The following ANGPTL2 variants were observed in gnomAD, a reference collection of about 807,000 sequenced individuals.
ANGPTL2 encodes the protein angiopoietin-related protein 2.
Under a neutral mutation model 52.8 loss-of-function variants are expected in ANGPTL2, and 25 were observed. That is an observed-to-expected ratio of 0.47 (90% CI 0.35 to 0.66). The LOEUF is 0.66. ANGPTL2 is among the 30% of genes least tolerant of loss of function. ANGPTL2 has a pLI of 0.01. For missense variants in ANGPTL2, 546 were observed against 656.9 expected, an observed-to-expected ratio of 0.83 and a Z score of 1.84; for synonymous variants, 276 against 277.4, an observed-to-expected ratio of 1.00 and a Z score of 0.05.
chr9:127,105,540 C>G (rs1007618046), intron 2 of ANGPTL2, among the ~76,000 whole-genome samples: 1 of 152,206 alleles, frequency 6.6e-6, no homozygotes, highest in Non-Finnish European at 1.5e-5. Flanking sequence ...AGAAGTGCCA[C>G]GTCTATCTAA....
At chr9:127,107,803 C>G in intron 2 of ANGPTL2, 112 bp downstream of exon 2, 1 of 1,158,686 alleles carries the variant, frequency 8.6e-7, no homozygotes, top group Middle Eastern at 3.0e-4. Context: ...TTGTGCATGT[C>G]TTTGGCCTGG....
At chr9:127,112,206 G>C (rs1360837249) in intron 1 of ANGPTL2, among the ~76,000 whole-genome samples, 3 of 152,238 alleles carry the variant, frequency 2.0e-5, no homozygotes, top group African/African-American at 7.2e-5. Flanking sequence ...TTTGGGCTCT[G>C]CTAGGAGGTG....
intron 2 of ANGPTL2, among the ~76,000 whole-genome samples, chr9:127,101,779 G>C (rs2053754862): frequency 6.6e-6 from 1 of 152,148 alleles, no homozygotes; most frequent in Non-Finnish European, 1.5e-5. Context: ...TACCATCTAA[G>C]ATACTTAATT....
Position 127,107,912 on chromosome 9 carries a change from T to TA in ANGPTL2, c.817+2dup. The TA allele has an allele frequency of 6.5e-7, 1 of 1,527,326 alleles. No homozygotes were observed. The highest frequency in any genetic ancestry group is 8.8e-7 in the Non-Finnish European group (1 of 1,134,044). The allele number at this position is 1,527,326 out of a possible 1,614,324, so 94.6% of individuals were successfully genotyped here. ...CATGTAACACGATCCCAGAAGCACT[T>TA]ACCCGACGGCTTGTCGGTGGAAGAT... is the stretch of plus-strand genomic sequence containing the variant. On this transcript the variant is annotated splice_region_variant and intron_variant, in intron 2 of 4. Transcript: ENST00000373425.
chr9:127,089,102 T>C lies in ANGPTL2; in HGVS notation c.1319A>G (p.Tyr440Cys), dbSNP rs2136326574. 1 of 1,614,222 alleles carries C rather than the reference T, an allele frequency of 6.2e-7. No individual in the cohort carries two copies. The highest frequency in any genetic ancestry group is 2.2e-5 in the East Asian group (1 of 44,886). The change falls in exon 5 of 5, where the codon TAT (tyrosine) becomes TGT (cysteine). Residue 440 changes from tyrosine (Y) to cysteine (C), a missense_variant. By Grantham distance (194) the Tyr-to-Cys change is radical. Around this residue, in one of 2 missense-constraint regions of ANGPTL2, gnomAD observed 261 missense variants for 361.0 expected, o/e 0.72. Transcript: ENST00000373425. ...CAHYQKGGWW[Y>C]NACAHSNLNG... ...GAGGTTGGAGTGGGCACAGGCGTTATACCACCAGCCTCCCTTCTGGTAGTG... is the reference window on the plus strand; with the variant it reads ...GAGGTTGGAGTGGGCACAGGCGTTACACCACCAGCCTCCCTTCTGGTAGTG...
chr9:127,119,196 A>AG (rs1363483600), intron 1 of ANGPTL2, among the ~76,000 whole-genome samples: 1 of 152,206 alleles, frequency 6.6e-6, no homozygotes, highest in Non-Finnish European at 1.5e-5. Flanking sequence ...ACCACATAAC[A>AG]GGTACCCTCA....
intron 1 of ANGPTL2, among the ~76,000 whole-genome samples, chr9:127,119,431 C>T (rs1201437752): frequency 7.2e-5 from 11 of 152,178 alleles, no homozygotes; most frequent in Non-Finnish European, 1.6e-4. Flanking sequence ...GGTGTCTAAA[C>T]AAGGCACTGA....
At chr9:127,106,633 C>CGCCT (rs2054242746) in intron 2 of ANGPTL2, among the ~76,000 whole-genome samples, 1 of 152,182 alleles carries the variant, frequency 6.6e-6, no homozygotes, top group Admixed American at 6.5e-5. Flanking sequence ...TACTCCAAAG[C>CGCCT]GCCTGCTCTC....
intron 1 of ANGPTL2, among the ~76,000 whole-genome samples, chr9:127,116,210 G>T (rs931623001): frequency 7.2e-5 from 11 of 152,134 alleles, no homozygotes; most frequent in Non-Finnish European, 1.6e-4. Context: ...CTGGGGGTTC[G>T]AATCTGCCTG....
chr9:127,102,925 G>A (rs1232118574), intron 2 of ANGPTL2, among the ~76,000 whole-genome samples: 1 of 152,248 alleles, frequency 6.6e-6, no homozygotes, highest in Non-Finnish European at 1.5e-5. Context: ...GGAGGCAGGA[G>A]ACCTGTGTGG....
chr9:127,122,019 C>T lies in ANGPTL2; in HGVS notation c.-50+296G>A, dbSNP rs1224513339. 6.6e-6 allele frequency among the ~76,000 whole-genome samples: 1 copy of T among 152,186 alleles called. No homozygotes were observed. The highest frequency in any genetic ancestry group is 2.4e-5 in the African/African-American group (1 of 41,448). Reference sequence around the variant, plus strand: ...GCACACTCCCAGCTGCTCTGCCGTGCCGGGAGCTGCCGGCCGGCACCCCAA... The same window carrying T: ...GCACACTCCCAGCTGCTCTGCCGTGTCGGGAGCTGCCGGCCGGCACCCCAA... On this transcript the variant is annotated intron_variant, in intron 1 of 4. Transcript: ENST00000373425. The surrounding 1 kb of genome is among the most constrained non-coding windows in gnomAD (Gnocchi z 6.4).
At chr9:127,095,761 A>G (rs892470301) in intron 2 of ANGPTL2, among the ~76,000 whole-genome samples, 2 of 152,214 alleles carry the variant, frequency 1.3e-5, no homozygotes, top group Non-Finnish European at 2.9e-5. Context: ...TTTGGGCTCA[A>G]CTAGTTCACA....
intron 1 of ANGPTL2, among the ~76,000 whole-genome samples, chr9:127,113,529 A>G (rs1367465154): frequency 3.0e-5 from 3 of 98,512 alleles, no homozygotes; most frequent in Non-Finnish European, 5.7e-5. Flanking sequence ...CATTCCAGCC[A>G]TCTTAGGACT....
intron 1 of ANGPTL2, among the ~76,000 whole-genome samples, chr9:127,110,902 C>T (rs995066528): frequency 6.6e-6 from 1 of 152,194 alleles, no homozygotes; most frequent in African/African-American, 2.4e-5. Flanking sequence ...AGCCTCCCTG[C>T]CCCAGCCTTG....
chr9:127,095,278 A>G (rs1191024898), intron 2 of ANGPTL2, among the ~76,000 whole-genome samples: 1 of 152,108 alleles, frequency 6.6e-6, no homozygotes, highest in Non-Finnish European at 1.5e-5. Context: ...CGCACCTGTG[A>G]TCCCAGCTAC....
chr9:127,090,321 C>T lies in ANGPTL2; in HGVS notation c.1283-1183G>A, dbSNP rs371874578. 2.7e-3 allele frequency among the ~76,000 whole-genome samples: 408 copies of T among 152,388 alleles called. 2 individuals carry two copies. The highest frequency in any genetic ancestry group is 9.1e-3 in the African/African-American group (379 of 41,586). On this transcript the variant is annotated intron_variant, in intron 4 of 4. Transcript: ENST00000373425. Reference sequence around the variant, plus strand: ...AGGTGGCCCTCCAGAAAGGCTGTAGCAGCCCCTGTGTCCCAGGGTCTGACC... The same window carrying T: ...AGGTGGCCCTCCAGAAAGGCTGTAGTAGCCCCTGTGTCCCAGGGTCTGACC...
At position 127,108,414 on chromosome 9, in the gene ANGPTL2, C is replaced by A; in HGVS notation, c.318G>T (p.Leu106=). The change falls in exon 2 of 5, where the codon CTG becomes CTT. Residue 106 remains leucine, a synonymous_variant. Transcript: ENST00000373425. ...LLKQKRQIET[L]QQLVEVDGGI... is the part of the protein sequence containing the mutation. ...CGCCGTCCACCTCCACCAGCTGCTG[C>A]AGCGTCTCGATCTGCCGCTTCTGCT... 6.2e-7 allele frequency: 1 copy of A among 1,608,652 alleles called. No homozygotes were observed. The highest frequency in any genetic ancestry group is 8.5e-7 in the Non-Finnish European group (1 of 1,178,514).
At chr9:127,105,042 G>T (rs1261197084) in intron 2 of ANGPTL2, among the ~76,000 whole-genome samples, 1 of 152,168 alleles carries the variant, frequency 6.6e-6, no homozygotes, top group Admixed American at 6.5e-5. Context: ...AACACCAGGA[G>T]AGGGCAGGAC....
At chr9:127,092,411 C>T (rs140227458) in intron 3 of ANGPTL2, among the ~76,000 whole-genome samples, 87 of 152,088 alleles carry the variant, frequency 5.7e-4, no homozygotes, top group African/African-American at 2.0e-3. Flanking sequence ...CATCCACCGG[C>T]GCTCCCCTCT....
Sources: gnomAD v4.1 joint callset for allele counts (sites outside exome capture counted in the v4.1 genomes callset) on GRCh38, gnomAD v4.1.1 for gene constraint, gnomAD v4.1.1 regional missense constraint, Gnocchi (gnomAD v3.1) non-coding constraint, MANE v1.5 for transcripts, NCBI Gene and HGNC (gene_info 2026-07-23, HGNC 2026-07-21) for gene names.